The following COMMD10 variants were observed in gnomAD, a reference collection of about 807,000 sequenced individuals.
The protein encoded by COMMD10 is COMM domain containing 10.
COMMD10 carries 33 observed loss-of-function variants against 28.9 expected under a neutral mutation model. That is an observed-to-expected ratio of 1.14 (90% CI 0.87 to 1.53). COMMD10 has a LOEUF of 1.53. Ranked by LOEUF, COMMD10 falls within the 40% of genes most tolerant of loss-of-function variation. The pLI is 0.00. For missense variants in COMMD10, 310 were observed against 233.4 expected (o/e 1.33, Z -2.14); for synonymous variants, 110 against 81.7 (o/e 1.35, Z -1.87).
intron 5 of COMMD10, among the ~76,000 whole-genome samples, chr5:116,224,570 G>A (rs532925872): frequency 1.4e-4 from 21 of 152,186 alleles, no homozygotes; most frequent in African/African-American, 4.8e-4. Context: ...CCGGGGCCGC[G>A]GTGCCGCACT....
At chr5:116,216,824 G>A (rs572024658) in intron 5 of COMMD10, among the ~76,000 whole-genome samples, 1 of 152,226 alleles carries the variant, frequency 6.6e-6, no homozygotes, top group South Asian at 2.1e-4. Context: ...GTGAGCCACT[G>A]CACCGGGCCC....
chr5:116,272,016 C>T (rs2112698151), intron 5 of COMMD10, among the ~76,000 whole-genome samples: 1 of 151,792 alleles, frequency 6.6e-6, no homozygotes, highest in African/African-American at 2.4e-5. Flanking sequence ...GTATTCAGTC[C>T]TCTGTGAAAT....
At chr5:116,144,125 A>G (rs1752273352) in intron 5 of COMMD10, among the ~76,000 whole-genome samples, 1 of 151,868 alleles carries the variant, frequency 6.6e-6, no homozygotes, top group South Asian at 2.1e-4. Context: ...CAAATTGTAA[A>G]CTAGAAATTG....
At chr5:116,112,306 T>G (rs1157519850) in intron 4 of COMMD10, among the ~76,000 whole-genome samples, 3 of 152,216 alleles carry the variant, frequency 2.0e-5, no homozygotes, top group African/African-American at 7.2e-5. Flanking sequence ...CGTTGGCCCA[T>G]AATATCAATC....
chr5:116,155,592 T>C (rs936000887), intron 5 of COMMD10, among the ~76,000 whole-genome samples: 1 of 152,138 alleles, frequency 6.6e-6, no homozygotes, highest in African/African-American at 2.4e-5. Flanking sequence ...AGATGATTGC[T>C]GCTAATTTTT....
chr5:116,159,671 A>G (rs987857218), intron 5 of COMMD10, among the ~76,000 whole-genome samples: 1 of 152,174 alleles, frequency 6.6e-6, no homozygotes, highest in Non-Finnish European at 1.5e-5. Context: ...TGAACTGTGG[A>G]GGTTTATTCC....
intron 5 of COMMD10, among the ~76,000 whole-genome samples, chr5:116,206,921 C>G (rs1748828220): frequency 1.3e-5 from 2 of 152,028 alleles, no homozygotes; most frequent in Admixed American, 1.3e-4. Context: ...CTTCTCTCTC[C>G]ATCTCCTCAA....
At chr5:116,109,796 C>T (rs902255129) in intron 4 of COMMD10, among the ~76,000 whole-genome samples, 3 of 152,106 alleles carry the variant, frequency 2.0e-5, no homozygotes, top group Non-Finnish European at 4.4e-5. Flanking sequence ...TTAGGTTTTC[C>T]TAGATATAAG....
At chr5:116,166,478 G>T (rs1008921941) in intron 5 of COMMD10, among the ~76,000 whole-genome samples, 2 of 152,196 alleles carry the variant, frequency 1.3e-5, no homozygotes, top group East Asian at 3.9e-4. Flanking sequence ...TGTGCGTTTA[G>T]CCCTCAAGCT....
At chr5:116,263,655 A>T (rs1159455450) in intron 5 of COMMD10, among the ~76,000 whole-genome samples, 1 of 151,666 alleles carries the variant, frequency 6.6e-6, no homozygotes, top group Non-Finnish European at 1.5e-5. Context: ...CGTTTTTCTT[A>T]ACTTGAACAT....
At chr5:116,089,944 C>T (rs914994480) in intron 2 of COMMD10, among the ~76,000 whole-genome samples, 10 of 152,214 alleles carry the variant, frequency 6.6e-5, no homozygotes, top group South Asian at 2.1e-4. Flanking sequence ...TTATGTATCC[C>T]GACTCCATCG....
intron 4 of COMMD10, among the ~76,000 whole-genome samples, chr5:116,103,105 T>C (rs1750720513): frequency 6.6e-6 from 1 of 152,232 alleles, no homozygotes; most frequent in African/African-American, 2.4e-5. Context: ...GTCTTTGCTG[T>C]TGTGAACAGT....
rs1046333327 is a variant in COMMD10, at chr5:116,260,768, C to A, written c.511-30749C>A. ...AAAATGAGTTGAATTTAAGATTAGA[C>A]CCCAGGCTTGAATTTGTCATATTTT... On this transcript the variant is annotated intron_variant, in intron 5 of 6. Coordinates refer to ENST00000274458, the MANE Select transcript of COMMD10 (RefSeq NM_016144.4). Among the ~76,000 whole-genome samples the A allele has an allele frequency of 5.3e-5, 8 of 151,438 alleles. 1 individual carries two copies. Among genetic ancestry groups the A allele is most frequent in the African/African-American group, 1.5e-4 (6 of 40,920 alleles).
At chr5:116,262,763 C>G (rs1750482491) in intron 5 of COMMD10, among the ~76,000 whole-genome samples, 1 of 151,706 alleles carries the variant, frequency 6.6e-6, no homozygotes, top group Admixed American at 6.6e-5. Context: ...TTACTCATTC[C>G]CAAAATGACC....
At chr5:116,114,216 C>T (rs1239514837) in intron 4 of COMMD10, among the ~76,000 whole-genome samples, 1 of 152,002 alleles carries the variant, frequency 6.6e-6, no homozygotes, top group East Asian at 1.9e-4. Flanking sequence ...TGTGCTGGCA[C>T]ATGAGTTGGC....
intron 5 of COMMD10, among the ~76,000 whole-genome samples, chr5:116,287,241 T>A (rs907699112): frequency 6.6e-6 from 1 of 151,770 alleles, no homozygotes; most frequent in Non-Finnish European, 1.5e-5. Flanking sequence ...TTACTGTATT[T>A]ATGCACCAAA....
intron 5 of COMMD10, among the ~76,000 whole-genome samples, chr5:116,261,603 A>C (rs983432739): frequency 6.6e-6 from 1 of 151,794 alleles, no homozygotes; most frequent in Non-Finnish European, 1.5e-5. Context: ...TTATTGACCA[A>C]AACACTTGAC....
At chr5:116,116,207 C>T (rs748408700) in intron 4 of COMMD10, among the ~76,000 whole-genome samples, 1 of 152,040 alleles carries the variant, frequency 6.6e-6, no homozygotes. Flanking sequence ...GTAAGATTTA[C>T]TTTATTGTTA....
At chr5:116,256,299 C>G (rs1750283325) in intron 5 of COMMD10, among the ~76,000 whole-genome samples, 1 of 151,552 alleles carries the variant, frequency 6.6e-6, no homozygotes, top group African/African-American at 2.4e-5. Flanking sequence ...AACTTCTGTT[C>G]CTTTTGGGGT....
Sources: gnomAD v4.1 joint callset for allele counts (sites outside exome capture counted in the v4.1 genomes callset) on GRCh38, gnomAD v4.1.1 for gene constraint, MANE v1.5 for transcripts, NCBI Gene and HGNC (gene_info 2026-07-23, HGNC 2026-07-21) for gene names.